Variants in ROBO2 observed in about 807,000 individuals in gnomAD.
ROBO2 encodes roundabout guidance receptor 2.
Under a neutral mutation model 160.8 loss-of-function variants are expected in ROBO2, and 53 were observed. That is an observed-to-expected ratio of 0.33 (90% CI 0.26 to 0.41). The LOEUF (loss-of-function observed/expected upper bound fraction) is 0.41. Ranked by LOEUF, ROBO2 falls within the 10% of genes least tolerant of loss-of-function variation. The pLI, the probability that ROBO2 is intolerant of heterozygous loss-of-function variation, is 1.00. For synonymous variants in ROBO2, 664 were observed against 611.7 expected, an observed-to-expected ratio of 1.09 and a Z score of -1.26; for missense variants, 1,577 against 1,722.4, an observed-to-expected ratio of 0.92 and a Z score of 1.49.
At chr3:77,214,458 T>G (rs142051131) in intron 2 of ROBO2, among the ~76,000 whole-genome samples, 2,466 of 152,302 alleles carry the variant, frequency 0.016, 34 homozygotes, top group Non-Finnish European at 0.026. Context: ...CCTTTTATTT[T>G]GAGCCTATTT....
At chr3:77,078,007 C>A (rs1015288258) in intron 1 of ROBO2, among the ~76,000 whole-genome samples, 1 of 152,146 alleles carries the variant, frequency 6.6e-6, no homozygotes, top group Non-Finnish European at 1.5e-5. Flanking sequence ...CACACAGTAA[C>A]TTTGTTTCAG....
chr3:77,443,206 C>G (rs2080130174), intron 2 of ROBO2, among the ~76,000 whole-genome samples: 1 of 151,998 alleles, frequency 6.6e-6, no homozygotes, highest in Admixed American at 6.6e-5. Flanking sequence ...TTGTATAGCC[C>G]TGAACTGTTT....
intron 2 of ROBO2, among the ~76,000 whole-genome samples, chr3:76,599,853 A>G (rs1460102476): frequency 6.6e-6 from 1 of 152,078 alleles, no homozygotes; most frequent in Non-Finnish European, 1.5e-5. Context: ...TCTTCTTTTG[A>G]AAAGTGTCTG....
intron 2 of ROBO2, among the ~76,000 whole-genome samples, chr3:76,133,231 T>C (rs193282899): frequency 1.3e-5 from 2 of 152,136 alleles, no homozygotes; most frequent in Admixed American, 1.3e-4. Flanking sequence ...TTAGAAAATA[T>C]AAGAAGGGAA....
At chr3:76,477,935 C>T (rs890355946) in intron 2 of ROBO2, among the ~76,000 whole-genome samples, 1 of 152,006 alleles carries the variant, frequency 6.6e-6, no homozygotes, top group African/African-American at 2.4e-5. Flanking sequence ...TTTCCTCTCA[C>T]AATGAATGTC....
At chr3:76,259,327 T>G (rs920247784) in intron 2 of ROBO2, among the ~76,000 whole-genome samples, 5 of 152,154 alleles carry the variant, frequency 3.3e-5, no homozygotes, top group African/African-American at 1.2e-4. Flanking sequence ...TCTCTACACT[T>G]AGTTCCTTAT....
intron 2 of ROBO2, among the ~76,000 whole-genome samples, chr3:76,904,471 G>A (rs1254626607): frequency 2.6e-5 from 4 of 152,022 alleles, no homozygotes; most frequent in African/African-American, 9.7e-5. Context: ...TAATATACTA[G>A]GGCTTAATAT....
intron 2 of ROBO2, among the ~76,000 whole-genome samples, chr3:76,765,556 C>T (rs1199491893): frequency 6.6e-6 from 1 of 151,624 alleles, no homozygotes; most frequent in Admixed American, 6.6e-5. Context: ...GGTCCTATAG[C>T]TACCACCTGG....
rs567106165 is a variant in ROBO2 at position 76,517,599 on chromosome 3, C to T, written c.109+579997C>T. Among the ~76,000 whole-genome samples, 235 of 152,266 alleles carry T rather than the reference C, an allele frequency of 1.5e-3. 2 individuals are homozygous for T. The highest frequency in any genetic ancestry group is 2.6e-3 in the Non-Finnish European group (179 of 68,022). On this transcript the variant is annotated intron_variant, in intron 2 of 26. Transcript: ENST00000487694. ...TAAATGTAAAACGATGTTTATCATGCCTAAGTATGTTATATCAATTAACCC... is the reference window on the plus strand; with the variant it reads ...TAAATGTAAAACGATGTTTATCATGTCTAAGTATGTTATATCAATTAACCC...
At chr3:76,629,311 G>A (rs183671339) in intron 2 of ROBO2, among the ~76,000 whole-genome samples, 34 of 152,178 alleles carry the variant, frequency 2.2e-4, no homozygotes, top group African/African-American at 6.7e-4. Context: ...ATTAGTCAGG[G>A]TTCTCTAGAG....
At chr3:77,504,899 TAGGTCTGAA>T (rs1297016023) in intron 5 of ROBO2, among the ~76,000 whole-genome samples, 1 of 152,098 alleles carries the variant, frequency 6.6e-6, no homozygotes, top group African/African-American at 2.4e-5. Context: ...AAACTAGAGA[TAGGTCTGAA>T]AGGGAAAATT....
intron 2 of ROBO2, among the ~76,000 whole-genome samples, chr3:76,922,644 T>G (rs2076739549): frequency 6.6e-6 from 1 of 152,156 alleles, no homozygotes; most frequent in Non-Finnish European, 1.5e-5. Context: ...TTATCGACCC[T>G]GGGGTACTTG....
chr3:76,923,530 G>A (rs2076799785), intron 2 of ROBO2, among the ~76,000 whole-genome samples: 1 of 152,182 alleles, frequency 6.6e-6, no homozygotes, highest in Non-Finnish European at 1.5e-5. Flanking sequence ...ACTGAAGGAT[G>A]TGACCACACC....
chr3:76,554,818 C>T (rs1052411453), intron 2 of ROBO2, among the ~76,000 whole-genome samples: 2 of 151,794 alleles, frequency 1.3e-5, no homozygotes, highest in South Asian at 2.1e-4. Context: ...GAGGCTGCTC[C>T]GAATGGTTTA....
At chr3:77,574,009 C>T (rs1400588053) in intron 13 of ROBO2, among the ~76,000 whole-genome samples, 1 of 151,910 alleles carries the variant, frequency 6.6e-6, no homozygotes, top group Non-Finnish European at 1.5e-5. Flanking sequence ...TTTCTGGCAC[C>T]TATGAGTAGG....
At chr3:76,880,789 T>G (rs1400037263) in intron 2 of ROBO2, among the ~76,000 whole-genome samples, 2 of 152,162 alleles carry the variant, frequency 1.3e-5, no homozygotes, top group Non-Finnish European at 2.9e-5. Context: ...TACAGTGAAT[T>G]TAAAAGAATA....
chr3:76,309,567 T>G (rs1272072455), intron 2 of ROBO2, among the ~76,000 whole-genome samples: 1 of 152,194 alleles, frequency 6.6e-6, no homozygotes, highest in Non-Finnish European at 1.5e-5. Context: ...AAGGTACCTC[T>G]TCCAAGAATA....
intron 2 of ROBO2, among the ~76,000 whole-genome samples, chr3:76,083,153 C>A (rs2068889673): frequency 6.6e-6 from 1 of 151,956 alleles, no homozygotes; most frequent in Non-Finnish European, 1.5e-5. Context: ...AACATCAGTT[C>A]TCTATCAGTC....
chr3:77,591,219 G>C (rs535773823), intron 17 of ROBO2, among the ~76,000 whole-genome samples: 13 of 152,212 alleles, frequency 8.5e-5, no homozygotes, highest in Admixed American at 7.9e-4. Flanking sequence ...GATTATCTGG[G>C]CTGAGTTAGT....
Sources: gnomAD v4.1 joint callset for allele counts (sites outside exome capture counted in the v4.1 genomes callset) on GRCh38, gnomAD v4.1.1 for gene constraint, MANE v1.5 for transcripts, NCBI Gene and HGNC (gene_info 2026-07-23, HGNC 2026-07-21) for gene names.